The following JMY variants were observed in gnomAD, a reference collection of about 807,000 sequenced individuals.
JMY encodes the protein junction mediating and regulatory protein, p53 cofactor.
JMY carries 46 observed loss-of-function variants against 103.3 expected under a neutral mutation model. That is an observed-to-expected ratio of 0.45 (90% CI 0.35 to 0.57). The LOEUF is 0.57. JMY is among the 20% of genes least tolerant of loss of function. The pLI is 0.00. For missense variants in JMY, 1,238 were observed against 1,255.2 expected (o/e 0.99, Z 0.21); for synonymous variants, 526 against 489.3 (o/e 1.07, Z -0.99).
Position 79,244,630 on chromosome 5 carries a change from C to T in JMY, c.1032+6948C>T, listed in dbSNP as rs951448130. On this transcript the variant is annotated intron_variant, in intron 1 of 10. Transcript: ENST00000396137. ...AGCACAAGATGAGCCCTCTGTTGCT[C>T]CATTGATGGTTAAATGTATGTGTGC... Among the ~76,000 whole-genome samples, 6 of 149,998 alleles carry T rather than the reference C, an allele frequency of 4.0e-5. No individual in the cohort carries two copies. The East Asian group carries it at 1.2e-3, about 29-fold the overall frequency.
At chr5:79,297,070 T>C (rs1427539162) in intron 4 of JMY, among the ~76,000 whole-genome samples, 2 of 152,194 alleles carry the variant, frequency 1.3e-5, no homozygotes, top group Admixed American at 6.5e-5. Context: ...CTTTTTGGGC[T>C]GGTAATCCCT....
At chr5:79,252,988 C>G (rs1561290527) in intron 1 of JMY, among the ~76,000 whole-genome samples, 1 of 152,086 alleles carries the variant, frequency 6.6e-6, no homozygotes, top group Admixed American at 6.6e-5. Flanking sequence ...GGTCTCCTCT[C>G]TCTTTCTTCA....
At chr5:79,245,865 T>G (rs908364696) in intron 1 of JMY, among the ~76,000 whole-genome samples, 5 of 152,164 alleles carry the variant, frequency 3.3e-5, no homozygotes, top group African/African-American at 1.2e-4. Flanking sequence ...AACTCAGGTA[T>G]CCATCTGCCT....
intron 1 of JMY, among the ~76,000 whole-genome samples, chr5:79,251,474 T>C (rs1376292427): frequency 6.6e-6 from 1 of 152,172 alleles, no homozygotes; most frequent in East Asian, 1.9e-4. Context: ...GATACAGATA[T>C]GTAATGCATA....
At chr5:79,276,418 C>T (rs560118496) in intron 1 of JMY, among the ~76,000 whole-genome samples, 17 of 152,194 alleles carry the variant, frequency 1.1e-4, no homozygotes, top group African/African-American at 4.1e-4. Context: ...CTGTGCCTGG[C>T]TGCTTTTTGT....
rs147025722 is a variant in JMY at position 79,301,652 on chromosome 5, C to T, written c.1881+789C>T. 5.9e-3 allele frequency among the ~76,000 whole-genome samples: 893 copies of T among 152,332 alleles called. 8 individuals are homozygous for T. Among genetic ancestry groups the T allele is most frequent in the African/African-American group, 0.02 (852 of 41,574 alleles). ...TCTATCACGTTGTCCATCAACAGAA[C>T]AGTTACCTTGCCATCCAGAGCCCTG... On this transcript the variant is annotated intron_variant, in intron 6 of 10. Transcript: ENST00000396137.
At position 79,272,438 on chromosome 5, in the gene JMY, C is replaced by CT. The variant is rs532696388; in HGVS notation, c.1033-5464dup. ...GTTTTGGTTTCCTTTTTTTTCTTTT[C>CT]TTTTTTTTGACATAGAGGTATGTAT... is the stretch of plus-strand genomic sequence containing the variant. On this transcript the variant is annotated intron_variant, in intron 1 of 10. Transcript: ENST00000396137. Among the ~76,000 whole-genome samples, 79 of 150,668 alleles carry CT rather than the reference C, an allele frequency of 5.2e-4. No homozygotes were observed. The South Asian group carries it at 7.4e-3, about 14-fold the overall frequency.
At chr5:79,256,010 C>T (rs561206605) in intron 1 of JMY, among the ~76,000 whole-genome samples, 1 of 152,386 alleles carries the variant, frequency 6.6e-6, no homozygotes, top group African/African-American at 2.4e-5. Flanking sequence ...AGGCCTGTGC[C>T]CTTCCCTTCA....
chr5:79,294,961 C>A (rs925980236), intron 4 of JMY, among the ~76,000 whole-genome samples: 1 of 151,962 alleles, frequency 6.6e-6, no homozygotes, highest in Non-Finnish European at 1.5e-5. Flanking sequence ...TCTGAACATA[C>A]ATAATCTAAT....
chr5:79,320,272 T>G (rs1244241596), intron 10 of JMY, among the ~76,000 whole-genome samples: 1 of 149,628 alleles, frequency 6.7e-6, no homozygotes, highest in African/African-American at 2.4e-5. Context: ...TCCCAGCTAC[T>G]TGGGAGGCTG....
At chr5:79,266,626 A>G (rs1171808325) in intron 1 of JMY, among the ~76,000 whole-genome samples, 1 of 152,214 alleles carries the variant, frequency 6.6e-6, no homozygotes, top group Admixed American at 6.5e-5. Flanking sequence ...GAAATAAACA[A>G]TAAATTACTG....
At position 79,314,605 on chromosome 5, in the gene JMY, T is replaced by TC. The variant is rs1377784366; in HGVS notation, c.2417dup (p.Leu807SerfsTer24). On this transcript the variant is annotated frameshift_variant, in exon 9 of 11. Transcript: ENST00000396137. LOFTEE classifies it high-confidence loss of function. Reference sequence around the variant, plus strand: ...TTCTGTTACCATAAATCCACTCCCATCCCCTCTTCCTCCAACACCACCACC... The same window carrying TC: ...TTCTGTTACCATAAATCCACTCCCATCCCCCTCTTCCTCCAACACCACCACC... 2 of 1,612,634 alleles carry TC rather than the reference T, an allele frequency of 1.2e-6. No individual in the cohort carries two copies. The highest frequency in any genetic ancestry group is 1.7e-5 in the Admixed American group (1 of 59,924).
chr5:79,316,931 A>G (rs1275840960), intron 10 of JMY, among the ~76,000 whole-genome samples: 3 of 143,406 alleles, frequency 2.1e-5, no homozygotes, highest in African/African-American at 5.1e-5. Context: ...AAGGCTTTCC[A>G]GGTTCAGTGG....
At chr5:79,307,152 T>C (rs1246156365) in intron 7 of JMY, among the ~76,000 whole-genome samples, 2 of 152,248 alleles carry the variant, frequency 1.3e-5, no homozygotes, top group African/African-American at 4.8e-5. Context: ...ATGTGCCTAT[T>C]GAAGGACATC....
At chr5:79,277,475 AAT>A (rs1554050187) in intron 1 of JMY, among the ~76,000 whole-genome samples, 24 of 151,596 alleles carry the variant, frequency 1.6e-4, no homozygotes, top group Non-Finnish European at 3.4e-4. Context: ...AAAAAAAAAA[AAT>A]ATATACAATA....
At chr5:79,312,195 C>T (rs947017936) in intron 7 of JMY, among the ~76,000 whole-genome samples, 12 of 152,096 alleles carry the variant, frequency 7.9e-5, no homozygotes, top group African/African-American at 1.9e-4. Context: ...TACACTAAAA[C>T]TGTGTATTAA....
At position 79,296,252 on chromosome 5, in the gene JMY, T is replaced by C. The variant is rs921458967; in HGVS notation, c.1528-3901T>C. The stretch of plus-strand genomic sequence containing the variant: ...CACAAATGGATTGTGAGATTTGGTT[T>C]GACATTAAATTATGGGAATTTTCCA... On this transcript the variant is annotated intron_variant, in intron 4 of 10. Coordinates refer to ENST00000396137, the MANE Select transcript of JMY (RefSeq NM_152405.5). Among the ~76,000 whole-genome samples the C allele has an allele frequency of 3.9e-5, 6 of 152,244 alleles. No homozygotes were observed. In the South Asian group the frequency reaches 1.0e-3, roughly 26 times the overall value.
chr5:79,289,558 A>C (rs186918861), intron 2 of JMY, among the ~76,000 whole-genome samples: 1 of 152,134 alleles, frequency 6.6e-6, no homozygotes, highest in Non-Finnish European at 1.5e-5. Flanking sequence ...TAATATTATC[A>C]CTTCTTTAAA....
In JMY at chr5:79,323,974, T is replaced by A. The variant is rs1286285759; in HGVS notation, c.*2372T>A. 1 of 152,234 alleles carries A rather than the reference T, an allele frequency of 6.6e-6. No individual in the cohort carries two copies. Among genetic ancestry groups the A allele is most frequent in the Non-Finnish European group, 1.5e-5 (1 of 68,050 alleles). The allele number at this position is 152,234 out of a possible 1,614,324, so 9.4% of individuals were successfully genotyped here. On this transcript the variant is annotated 3_prime_UTR_variant, in exon 11 of 11. Transcript: ENST00000396137. ...AAGCAGAGTATTGTTGGCAGCCAGCTATGCCCATCCTCTTGTAAATAACTT... is the reference window on the plus strand; with the variant it reads ...AAGCAGAGTATTGTTGGCAGCCAGCAATGCCCATCCTCTTGTAAATAACTT...
Sources: gnomAD v4.1 joint callset for allele counts (sites outside exome capture counted in the v4.1 genomes callset) on GRCh38, gnomAD v4.1.1 for gene constraint, MANE v1.5 for transcripts, NCBI Gene and HGNC (gene_info 2026-07-23, HGNC 2026-07-21) for gene names.